INPP4B: variants seen among roughly 807,000 people sequenced by gnomAD.
INPP4B encodes inositol polyphosphate 4-phosphatase type II.
In INPP4B, 55 loss-of-function variants were observed where a neutral mutation model predicts 122.5. That is an observed-to-expected ratio of 0.45 (90% CI 0.36 to 0.56). The LOEUF (loss-of-function observed/expected upper bound fraction) is 0.56, where lower values mean the gene tolerates loss of function less well. INPP4B is among the 20% of genes least tolerant of loss of function. INPP4B has a pLI of 0.00. For synonymous variants in INPP4B, 403 were observed against 388.7 expected (o/e 1.04, Z -0.43); for missense variants, 1,000 against 1,097.7 (o/e 0.91, Z 1.26).
At chr4:142,137,232 A>T (rs1804918364) in intron 18 of INPP4B, among the ~76,000 whole-genome samples, 1 of 151,184 alleles carries the variant, frequency 6.6e-6, no homozygotes, top group East Asian at 1.9e-4. Flanking sequence ...ATAACACCGC[A>T]TATCTACAAC....
chr4:142,036,650 TA>T (rs1184301652), intron 25 of INPP4B, among the ~76,000 whole-genome samples: 1 of 152,234 alleles, frequency 6.6e-6, no homozygotes, highest in Non-Finnish European at 1.5e-5. Flanking sequence ...GAAAAATCAC[TA>T]AATTAAAAGG....
At chr4:142,624,606 G>C (rs927155916) in intron 2 of INPP4B, among the ~76,000 whole-genome samples, 1 of 152,092 alleles carries the variant, frequency 6.6e-6, no homozygotes, top group African/African-American at 2.4e-5. Flanking sequence ...TAGAAAAAGA[G>C]GGAATCCTCC....
At chr4:142,361,056 T>G (rs529345980) in intron 7 of INPP4B, among the ~76,000 whole-genome samples, 4 of 151,998 alleles carry the variant, frequency 2.6e-5, no homozygotes, top group African/African-American at 9.6e-5. Flanking sequence ...TCCATTTGAT[T>G]TTCCCTTCTA....
intron 9 of INPP4B, among the ~76,000 whole-genome samples, chr4:142,292,328 G>C (rs1756800420): frequency 6.6e-6 from 1 of 152,082 alleles, no homozygotes; most frequent in African/African-American, 2.4e-5. Context: ...TATCCTGAAA[G>C]TGCTTTAAAA....
chr4:142,110,666 C>T (rs1789557218), intron 22 of INPP4B, among the ~76,000 whole-genome samples: 1 of 152,056 alleles, frequency 6.6e-6, no homozygotes, highest in South Asian at 2.1e-4. Context: ...CCCTACTTTG[C>T]CATTTTGCTC....
Position 142,718,023 on chromosome 4 carries a change from T to A in INPP4B, c.-191+7816A>T, listed in dbSNP as rs567399703. 1.0e-4 allele frequency among the ~76,000 whole-genome samples: 15 copies of A among 150,650 alleles called. No individual in the cohort carries two copies. In the South Asian group the frequency reaches 3.1e-3, roughly 32 times the overall value. On this transcript the variant is annotated intron_variant, in intron 2 of 25. Transcript: ENST00000262992. The stretch of plus-strand genomic sequence containing the variant: ...AATTCTAGGTAGAAAGAATGGTAAA[T>A]GCAAAGCCAGCAGGGTAGAAATAAG...
intron 2 of INPP4B, among the ~76,000 whole-genome samples, chr4:142,609,140 A>G (rs1741943843): frequency 6.6e-6 from 1 of 151,956 alleles, no homozygotes; most frequent in Non-Finnish European, 1.5e-5. Context: ...CTCTTCAGTT[A>G]GATTCCCTGC....
chr4:142,364,017 A>AGG (rs1343642910), intron 7 of INPP4B, among the ~76,000 whole-genome samples: 1 of 119,954 alleles, frequency 8.3e-6, no homozygotes, highest in African/African-American at 3.3e-5. Context: ...AGAAGATGGG[A>AGG]GAGTGAGGGT....
intron 11 of INPP4B, among the ~76,000 whole-genome samples, chr4:142,253,499 A>G (rs1353935402): frequency 6.6e-6 from 1 of 152,132 alleles, no homozygotes; most frequent in Non-Finnish European, 1.5e-5. Flanking sequence ...GGGTGCGCGC[A>G]CCATGTGCGA....
At chr4:142,088,213 T>TA (rs1380657214) in intron 23 of INPP4B, among the ~76,000 whole-genome samples, 2 of 152,144 alleles carry the variant, frequency 1.3e-5, no homozygotes, top group Non-Finnish European at 2.9e-5. Context: ...AAGGGAGTTA[T>TA]AAAATCAGAC....
At chr4:142,577,089 T>C (rs1375199322) in intron 2 of INPP4B, among the ~76,000 whole-genome samples, 1 of 152,176 alleles carries the variant, frequency 6.6e-6, no homozygotes, top group Admixed American at 6.6e-5. Context: ...AATGCTTTCC[T>C]AGATTTTTGC....
intron 1 of INPP4B, among the ~76,000 whole-genome samples, chr4:142,745,730 G>A (rs1288782218): frequency 6.6e-6 from 1 of 151,644 alleles, no homozygotes; most frequent in Admixed American, 6.6e-5. Context: ...ATAAAAAGAT[G>A]GAAATAATAT....
chr4:142,150,190 C>T (rs1331744762), intron 17 of INPP4B, among the ~76,000 whole-genome samples: 1 of 152,210 alleles, frequency 6.6e-6, no homozygotes, highest in East Asian at 1.9e-4. Flanking sequence ...GCCTACTCTT[C>T]TTTCTTCTCT....
chr4:142,518,537 T>G (rs1277828133), intron 2 of INPP4B, among the ~76,000 whole-genome samples: 2 of 152,108 alleles, frequency 1.3e-5, no homozygotes, highest in African/African-American at 4.8e-5. Context: ...CCTCTAATGA[T>G]TGTCACATTC....
intron 23 of INPP4B, among the ~76,000 whole-genome samples, chr4:142,106,067 C>G (rs1318597989): frequency 6.6e-6 from 1 of 152,140 alleles, no homozygotes; most frequent in African/African-American, 2.4e-5. Context: ...CACAGCCATA[C>G]TACAACTCCA....
chr4:142,082,473 G>T (rs573459390), intron 24 of INPP4B, among the ~76,000 whole-genome samples: 3 of 152,268 alleles, frequency 2.0e-5, no homozygotes, highest in African/African-American at 4.8e-5. Flanking sequence ...CTACCCAAGG[G>T]GGGTGCCTGG....
chr4:142,819,907 C>T (rs1780593324), intron 1 of INPP4B, among the ~76,000 whole-genome samples: 1 of 152,022 alleles, frequency 6.6e-6, no homozygotes, highest in Admixed American at 6.6e-5. Flanking sequence ...TCTTCTCAGT[C>T]CTACAGTGAA....
At chr4:142,162,793 T>G (rs1820756766) in intron 16 of INPP4B, among the ~76,000 whole-genome samples, 2 of 152,006 alleles carry the variant, frequency 1.3e-5, no homozygotes, top group Admixed American at 6.6e-5. Context: ...AACCCAAAAT[T>G]TTTTTTGGAT....
intron 2 of INPP4B, among the ~76,000 whole-genome samples, chr4:142,719,487 C>A (rs774219407): frequency 6.6e-6 from 1 of 151,738 alleles, no homozygotes; most frequent in Non-Finnish European, 1.5e-5. Flanking sequence ...ACATGCCCAG[C>A]TAATTTTTGT....
Sources: gnomAD v4.1 joint callset for allele counts (sites outside exome capture counted in the v4.1 genomes callset) on GRCh38, gnomAD v4.1.1 for gene constraint, MANE v1.5 for transcripts, NCBI Gene and HGNC (gene_info 2026-07-23, HGNC 2026-07-21) for gene names.